Variants in UBASH3B observed in about 807,000 individuals in gnomAD.
UBASH3B encodes ubiquitin associated and SH3 domain containing B, also known as ubiquitin-associated and SH3 domain-containing protein B.
In UBASH3B, 37 loss-of-function variants were observed where a neutral mutation model predicts 83.4. That is an observed-to-expected ratio of 0.44 (90% CI 0.34 to 0.58). The LOEUF is 0.58. Ranked by LOEUF, UBASH3B falls within the 20% of genes least tolerant of loss-of-function variation. The probability of loss-of-function intolerance (pLI) is 0.01; values close to 1 mark genes in which losing one functional copy is unlikely to be tolerated. For synonymous variants in UBASH3B, 304 were observed against 318.3 expected (o/e 0.96, Z 0.48); for missense variants, 657 against 827.2 (o/e 0.79, Z 2.52).
At chr11:122,746,177 A>G (rs140594744) in intron 1 of UBASH3B, among the ~76,000 whole-genome samples, 22 of 152,290 alleles carry the variant, frequency 1.4e-4, no homozygotes, top group African/African-American at 5.3e-4. Flanking sequence ...GGACCATGCA[A>G]AGGATAGTGT....
intron 1 of UBASH3B, among the ~76,000 whole-genome samples, chr11:122,745,071 G>A (rs1398442073): frequency 6.6e-6 from 1 of 152,200 alleles, no homozygotes; most frequent in Non-Finnish European, 1.5e-5. Flanking sequence ...AAAGCAAGGA[G>A]CAGGGTAACA....
At chr11:122,707,492 G>A (rs11218765) in intron 1 of UBASH3B, among the ~76,000 whole-genome samples, 42,053 of 151,952 alleles carry the variant, frequency 0.28, 7,104 homozygotes, top group Non-Finnish European at 0.39. Flanking sequence ...TTATTTGAAT[G>A]AGCCTTCTTT....
At chr11:122,807,229 C>T (rs951791374) in intron 12 of UBASH3B, among the ~76,000 whole-genome samples, 1 of 152,168 alleles carries the variant, frequency 6.6e-6, no homozygotes, top group African/African-American at 2.4e-5. Flanking sequence ...ATAGTGGGAA[C>T]ACTTAAAACT....
At chr11:122,736,764 G>A (rs148391409) in intron 1 of UBASH3B, among the ~76,000 whole-genome samples, 19 of 152,078 alleles carry the variant, frequency 1.2e-4, no homozygotes, top group African/African-American at 4.1e-4. Flanking sequence ...TTTAAGGATC[G>A]GGAAGCCAGG....
At chr11:122,724,573 C>T (rs1431178696) in intron 1 of UBASH3B, among the ~76,000 whole-genome samples, 1 of 140,388 alleles carries the variant, frequency 7.1e-6, no homozygotes. Flanking sequence ...CACAGAGGAG[C>T]GGCCAGCTGT....
intron 5 of UBASH3B, among the ~76,000 whole-genome samples, chr11:122,784,130 C>T (rs1423130412): frequency 3.9e-5 from 6 of 152,044 alleles, no homozygotes; most frequent in South Asian, 4.2e-4. Flanking sequence ...TTAGTAGTGC[C>T]GGGGTTTCAC....
intron 1 of UBASH3B, among the ~76,000 whole-genome samples, chr11:122,698,729 C>T (rs955180889): frequency 7.9e-5 from 12 of 152,136 alleles, no homozygotes; most frequent in Admixed American, 1.3e-4. Context: ...TCCATCCACC[C>T]GACACCCAGC....
chr11:122,691,000 G>A (rs1863888977), intron 1 of UBASH3B, among the ~76,000 whole-genome samples: 1 of 152,168 alleles, frequency 6.6e-6, no homozygotes, highest in Non-Finnish European at 1.5e-5. Flanking sequence ...GCAAAGTAGC[G>A]GTAAAGCCAG....
Position 122,809,950 on chromosome 11 carries a change from G to A in UBASH3B, c.*64G>A. On this transcript the variant is annotated 3_prime_UTR_variant, in exon 14 of 14. Transcript: ENST00000284273. ...GTGTCTTTCTGTGTGTTTAAAAACA[G>A]TGGGAAAATCCACACCACACTCTAA... is the stretch of plus-strand genomic sequence containing the variant. The A allele has an allele frequency of 4.4e-6, 7 of 1,576,008 alleles. No individual in the cohort carries two copies. Among genetic ancestry groups the A allele is most frequent in the Non-Finnish European group, 6.0e-6 (7 of 1,161,448 alleles).
intron 1 of UBASH3B, among the ~76,000 whole-genome samples, chr11:122,769,826 C>T (rs922252691): frequency 2.6e-5 from 4 of 152,096 alleles, no homozygotes; most frequent in East Asian, 1.9e-4. Context: ...AGTTCATTGC[C>T]GACTTTTAAA....
intron 1 of UBASH3B, among the ~76,000 whole-genome samples, chr11:122,698,730 G>A (rs116566165): frequency 0.03 from 4,551 of 152,154 alleles, 242 homozygotes; most frequent in African/African-American, 0.1. Flanking sequence ...CCATCCACCC[G>A]ACACCCAGCA....
At chr11:122,753,319 C>T (rs556975205) in intron 1 of UBASH3B, among the ~76,000 whole-genome samples, 5 of 151,306 alleles carry the variant, frequency 3.3e-5, no homozygotes, top group Non-Finnish European at 5.9e-5. Context: ...GGTGTGGTTT[C>T]GTGTGCCTGT....
At chr11:122,749,630 C>G (rs1861170215) in intron 1 of UBASH3B, among the ~76,000 whole-genome samples, 1 of 152,226 alleles carries the variant, frequency 6.6e-6, no homozygotes, top group African/African-American at 2.4e-5. Flanking sequence ...AATTCAAATC[C>G]AGGACTGTGC....
At chr11:122,802,313 GAAAAAA>G (rs147011358) in intron 11 of UBASH3B, among the ~76,000 whole-genome samples, 2 of 66,214 alleles carry the variant, frequency 3.0e-5, no homozygotes, top group Non-Finnish European at 6.3e-5. Context: ...GACTCTGTCT[GAAAAAA>G]AAAAAAAAAA....
chr11:122,795,886 C>T (rs1476844477), intron 7 of UBASH3B, among the ~76,000 whole-genome samples: 1 of 152,208 alleles, frequency 6.6e-6, no homozygotes, highest in Non-Finnish European at 1.5e-5. Flanking sequence ...TTAGTGGCCA[C>T]TTTAATGGCC....
At chr11:122,741,208 C>A (rs1417579921) in intron 1 of UBASH3B, among the ~76,000 whole-genome samples, 2 of 152,192 alleles carry the variant, frequency 1.3e-5, no homozygotes, top group Non-Finnish European at 2.9e-5. Flanking sequence ...ATAAGATCTT[C>A]ACAGAATAAA....
At chr11:122,672,269 A>G (rs967314986) in intron 1 of UBASH3B, among the ~76,000 whole-genome samples, 11 of 152,086 alleles carry the variant, frequency 7.2e-5, no homozygotes, top group African/African-American at 2.7e-4. Context: ...GATGGAGGGT[A>G]TCTCTCCTCT....
chr11:122,746,764 G>A (rs541512851), intron 1 of UBASH3B, among the ~76,000 whole-genome samples: 84 of 152,250 alleles, frequency 5.5e-4, no homozygotes, highest in Non-Finnish European at 8.7e-4. Context: ...GGCATTTACC[G>A]TGTGCTCAGT....
At chr11:122,744,976 G>C in intron 1 of UBASH3B, among the ~76,000 whole-genome samples, 1 of 151,970 alleles carries the variant, frequency 6.6e-6, no homozygotes, top group Non-Finnish European at 1.5e-5. Context: ...GACTTTCCTT[G>C]CAGGGGACCA....
Sources: gnomAD v4.1 joint callset for allele counts (sites outside exome capture counted in the v4.1 genomes callset) on GRCh38, gnomAD v4.1.1 for gene constraint, MANE v1.5 for transcripts, NCBI Gene and HGNC (gene_info 2026-07-23, HGNC 2026-07-21) for gene names.